DAPK1: variants seen among roughly 807,000 people sequenced by gnomAD.
DAPK1 encodes death associated protein kinase 1, also known as death-associated protein kinase 1.
DAPK1 carries 56 observed loss-of-function variants against 144.9 expected under a neutral mutation model. That is an observed-to-expected ratio of 0.39 (90% CI 0.31 to 0.48). The LOEUF (loss-of-function observed/expected upper bound fraction) is 0.48. Ranked by LOEUF, DAPK1 falls within the 20% of genes least tolerant of loss-of-function variation. The probability of loss-of-function intolerance (pLI) is 0.95; values close to 1 mark genes in which losing one functional copy is unlikely to be tolerated. For missense variants in DAPK1, 1,454 were observed against 1,875.4 expected (o/e 0.78, Z 4.15); for synonymous variants, 690 against 749.0 (o/e 0.92, Z 1.29).
intron 17 of DAPK1, among the ~76,000 whole-genome samples, chr9:87,654,579 C>T (rs753210427): frequency 1.7e-4 from 26 of 152,128 alleles, no homozygotes; most frequent in Non-Finnish European, 3.1e-4. Flanking sequence ...TAGTTTGTCC[C>T]GTTTTAATCT....
intron 2 of DAPK1, among the ~76,000 whole-genome samples, chr9:87,548,238 G>A (rs896280773): frequency 1.3e-5 from 2 of 152,160 alleles, no homozygotes; most frequent in Admixed American, 1.3e-4. Flanking sequence ...TGGCTTGGAG[G>A]GGCAAAGCTG....
chr9:87,642,275 TG>T (rs1402936424), intron 10 of DAPK1, among the ~76,000 whole-genome samples: 7 of 152,228 alleles, frequency 4.6e-5, no homozygotes, highest in Middle Eastern at 3.2e-3. Context: ...TGTAATTTTG[TG>T]TTGTTTTCAT....
At position 87,623,719 on chromosome 9, in the gene DAPK1, G is replaced by A. The variant is rs75391487; in HGVS notation, c.285-14224G>A. Among the ~76,000 whole-genome samples, 356 of 152,236 alleles carry A rather than the reference G, an allele frequency of 2.3e-3. 4 individuals are homozygous for A. The East Asian group carries it at 0.051, about 22-fold the overall frequency. On this transcript the variant is annotated intron_variant, in intron 3 of 25. Coordinates refer to ENST00000408954, the MANE Select transcript of DAPK1 (RefSeq NM_004938.4). ...GTTCCTGAGAGGAAGGGATTGTGCC[G>A]GGGATCGAGCTAACATTTCCTGTGC...
At chr9:87,698,620 AC>A in intron 22 of DAPK1, 35 bp from the exon 23 acceptor site, 2 of 1,489,804 alleles carry the variant, frequency 1.3e-6, no homozygotes, top group Non-Finnish European at 1.9e-6. Context: ...AGGTAGGAGG[AC>A]CCACCCCCTG....
chr9:87,550,330 G>T (rs1471424318), intron 2 of DAPK1, among the ~76,000 whole-genome samples: 2 of 152,356 alleles, frequency 1.3e-5, no homozygotes, highest in East Asian at 3.9e-4. Flanking sequence ...ACATTAGTGT[G>T]CTAGGGCTGT....
intron 2 of DAPK1, among the ~76,000 whole-genome samples, chr9:87,518,007 GTAGTGGGTTTCTGAAAGAAA>G (rs1563970197): frequency 6.6e-6 from 1 of 151,488 alleles, no homozygotes; most frequent in Non-Finnish European, 1.5e-5. Flanking sequence ...CATAGCACGG[GTAGTGGGTTTCTGAAAGAAA>G]GCAGCACGCA....
chr9:87,698,868 A>G lies in DAPK1; in HGVS notation c.2750+74A>G. On this transcript the variant is annotated intron_variant, in intron 23 of 25. Transcript: ENST00000408954. The stretch of plus-strand genomic sequence containing the variant: ...TGAGAACTGAAGCAGAGGTGTGAAA[A>G]GTACAAAGGAAGTCTCATGAACCAG... 6.8e-6 allele frequency: 6 copies of G among 882,256 alleles called. No homozygotes were observed. The Admixed American group carries it at 1.2e-4, about 18-fold the overall frequency. 54.7% of individuals were successfully genotyped at this position (882,256 alleles called of 1,614,324 possible). A position where few individuals can be genotyped will look rare whatever the true frequency, so the allele number is the denominator to read the frequency against.
intron 21 of DAPK1, among the ~76,000 whole-genome samples, chr9:87,694,661 C>T (rs1416670052): frequency 6.6e-6 from 1 of 152,174 alleles, no homozygotes; most frequent in Non-Finnish European, 1.5e-5. Flanking sequence ...AAATGCACAG[C>T]CACTACTCTG....
At chr9:87,688,123 A>C (rs1459675111) in intron 21 of DAPK1, among the ~76,000 whole-genome samples, 2 of 127,584 alleles carry the variant, frequency 1.6e-5, no homozygotes, top group Admixed American at 2.2e-4. Flanking sequence ...CCCAGTTACT[A>C]TTGTTGCCAT....
chr9:87,634,411 C>A (rs1251471407), intron 3 of DAPK1, among the ~76,000 whole-genome samples: 1 of 152,186 alleles, frequency 6.6e-6, no homozygotes, highest in Non-Finnish European at 1.5e-5. Flanking sequence ...CTGGGTTTCT[C>A]CACGTGGCAC....
At chr9:87,522,069 C>T (rs1190315489) in intron 2 of DAPK1, among the ~76,000 whole-genome samples, 1 of 152,236 alleles carries the variant, frequency 6.6e-6, no homozygotes, top group African/African-American at 2.4e-5. Context: ...GCGCCATGCT[C>T]TTAGACTTCC....
chr9:87,554,122 A>C (rs1445901201), intron 2 of DAPK1: 1 of 152,240 alleles, frequency 6.6e-6, no homozygotes, highest in Non-Finnish European at 1.5e-5. Context: ...ACCTTAGGTC[A>C]GCAATCCTGT....
intron 2 of DAPK1, among the ~76,000 whole-genome samples, chr9:87,590,341 T>G (rs73654464): frequency 0.03 from 4,369 of 147,420 alleles, 210 homozygotes; most frequent in African/African-American, 0.1. Context: ...GTTTTCCTGA[T>G]GCTTTCCCAA....
chr9:87,635,783 C>T (rs897217817), intron 3 of DAPK1, among the ~76,000 whole-genome samples: 3 of 152,114 alleles, frequency 2.0e-5, no homozygotes, highest in African/African-American at 4.8e-5. Context: ...GGTAACCTTC[C>T]GGGTTTCAGG....
chr9:87,696,383 C>T (rs1048773739), intron 21 of DAPK1, among the ~76,000 whole-genome samples: 10 of 152,028 alleles, frequency 6.6e-5, no homozygotes, highest in Non-Finnish European at 1.0e-4. Flanking sequence ...TAGATATGTA[C>T]GCGTGACACA....
At chr9:87,611,552 G>A (rs535412876) in intron 3 of DAPK1, among the ~76,000 whole-genome samples, 2 of 152,226 alleles carry the variant, frequency 1.3e-5, no homozygotes, top group East Asian at 1.9e-4. Context: ...TTGAACTCCC[G>A]GGCTCGAGTG....
intron 7 of DAPK1, 80 bp from the exon 8 acceptor site, chr9:87,640,218 C>A: frequency 1.5e-6 from 2 of 1,327,594 alleles, no homozygotes; most frequent in Non-Finnish European, 2.1e-6. Flanking sequence ...TCTTATTCCA[C>A]ACTCCAGATG....
intron 21 of DAPK1, 38 bp from the exon 22 acceptor site, chr9:87,696,969 G>A: frequency 9.9e-7 from 1 of 1,010,150 alleles, no homozygotes; most frequent in Non-Finnish European, 1.6e-6. Flanking sequence ...TTTGGTTAGT[G>A]GTGTTTCACG....
intron 2 of DAPK1, among the ~76,000 whole-genome samples, chr9:87,499,928 G>A (rs1824332049): frequency 6.6e-6 from 1 of 152,118 alleles, no homozygotes; most frequent in Non-Finnish European, 1.5e-5. Flanking sequence ...AGAAAACCTA[G>A]TTTTCATACA....
Sources: allele counts gnomAD v4.1 joint callset (sites outside exome capture counted in the v4.1 genomes callset), GRCh38; gene constraint gnomAD v4.1.1; transcripts MANE v1.5; gene names NCBI Gene and HGNC (gene_info 2026-07-23, HGNC 2026-07-21).